Variants in SVBP observed in about 807,000 individuals in gnomAD.
The protein encoded by SVBP is small vasohibin binding protein.
In SVBP, 9 loss-of-function variants were observed where a neutral mutation model predicts 9.2. The observed-to-expected ratio is 0.98, with a 90% CI of 0.59 to 1.71. SVBP has a LOEUF of 1.71. SVBP is among the 40% of genes most tolerant of loss of function. The pLI, the probability that SVBP is intolerant of heterozygous loss-of-function variation, is 0.00. For synonymous variants in SVBP, 27 were observed against 23.9 expected, an observed-to-expected ratio of 1.13 and a Z score of -0.37; for missense variants, 63 against 73.2, an observed-to-expected ratio of 0.86 and a Z score of 0.51.
In SVBP at chr1:42,817,333, G is replaced by C. The variant is rs1037735475; in HGVS notation, c.-180C>G. 61 of 1,035,746 alleles carry C rather than the reference G, an allele frequency of 5.9e-5. No homozygotes were observed. Among genetic ancestry groups the C allele is most frequent in the South Asian group, 4.8e-4 (30 of 62,796 alleles). The allele number at this position is 1,035,746 out of a possible 1,614,324, so 64.2% of individuals were successfully genotyped here. On this transcript the variant is annotated 5_prime_UTR_variant, in exon 1 of 3. Coordinates refer to ENST00000372521, the MANE Select transcript of SVBP (RefSeq NM_199342.4). ...TCGTCCTGGGCGGGGCCGCGCGCCG[G>C]GGGGAGGGGCGCAGGGCCGAGCGCC...
intron 2 of SVBP, among the ~76,000 whole-genome samples, chr1:42,815,912 G>A (rs1654192761): frequency 6.6e-6 from 1 of 152,182 alleles, no homozygotes; most frequent in African/African-American, 2.4e-5. Flanking sequence ...GATTTTCCCT[G>A]ACATTAAATA....
intron 2 of SVBP, among the ~76,000 whole-genome samples, chr1:42,808,698 G>A (rs1434150784): frequency 1.3e-5 from 2 of 150,298 alleles, no homozygotes; most frequent in Non-Finnish European, 3.0e-5. Flanking sequence ...ATATATATAT[G>A]AGCTATATAT....
intron 2 of SVBP, among the ~76,000 whole-genome samples, chr1:42,814,621 A>G (rs1557599744): frequency 6.6e-6 from 1 of 152,088 alleles, no homozygotes; most frequent in South Asian, 2.1e-4. Flanking sequence ...GTCTCAAAAA[A>G]AAAAGAGACT....
rs1044898 is a variant in SVBP, at chr1:42,807,170, A to T, written c.*244T>A. ...TTGTGTGTGTTTTTTTTTTTTTTTTAAAAAAACCCAAAAAACAAAACCACT... is the reference window on the plus strand; with the variant it reads ...TTGTGTGTGTTTTTTTTTTTTTTTTTAAAAAACCCAAAAAACAAAACCACT... On this transcript the variant is annotated 3_prime_UTR_variant, in exon 3 of 3. Coordinates refer to ENST00000372521, the MANE Select transcript of SVBP (RefSeq NM_199342.4). The T allele has an allele frequency of 0.099, 14,182 of 143,622 alleles. 502 individuals are homozygous for T. Among genetic ancestry groups the T allele is most frequent in the South Asian group, 0.15 (452 of 3,090 alleles). The allele number at this position is 143,622 out of a possible 1,614,324, so 8.9% of individuals were successfully genotyped here. A position where few individuals can be genotyped will look rare whatever the true frequency, so the allele number is the denominator to read the frequency against.
chr1:42,813,949 C>T (rs1301340795), intron 2 of SVBP: 2 of 203,342 alleles, frequency 9.8e-6, no homozygotes, highest in African/African-American at 4.7e-5. Context: ...ACTTCAAATG[C>T]ACTAGTAAGT....
chr1:42,816,676 T>C (rs1330906978), intron 1 of SVBP, 96 bp from the exon 2 acceptor site: 1 of 646,580 alleles, frequency 1.5e-6, no homozygotes, highest in African/African-American at 1.8e-5. Flanking sequence ...GCCCCATCCT[T>C]TGCCAGGTGA....
intron 2 of SVBP, among the ~76,000 whole-genome samples, chr1:42,809,474 A>T (rs555607886): frequency 1.7e-4 from 26 of 152,308 alleles, no homozygotes; most frequent in Middle Eastern, 3.4e-3. Flanking sequence ...GATCAACATA[A>T]AAGGGAGTGG....
chr1:42,807,815 C>G (rs1233602145), intron 2 of SVBP, among the ~76,000 whole-genome samples: 1 of 152,008 alleles, frequency 6.6e-6, no homozygotes, highest in African/African-American at 2.4e-5. Flanking sequence ...ACAGGAAGAT[C>G]AGATTTATCC....
chr1:42,809,244 G>C (rs1654029933), intron 2 of SVBP: 2 of 151,992 alleles, frequency 1.3e-5, no homozygotes, highest in Non-Finnish European at 2.9e-5. Context: ...AAAAATGAAA[G>C]ACAGAGTGTG....
At position 42,807,428 on chromosome 1, in the gene SVBP, G is replaced by C; in HGVS notation, c.187C>G (p.Pro63Ala). 6.2e-7 allele frequency: 1 copy of C among 1,613,414 alleles called. No individual in the cohort carries two copies. Among genetic ancestry groups the C allele is most frequent in the African/African-American group, 1.3e-5 (1 of 75,002 alleles). ...QFDEFCKQMQ[P>A]PGE ...AACCTGGGGCCTCATTCTCCAGGAG[G>C]CTGCATCTGTTTACAGAACTCATCA... Residue 63 changes from proline to alanine, a missense_variant, in exon 3 of 3, where the codon CCT (proline) becomes GCT (alanine). Pro to Ala is a conservative substitution (Grantham distance 27, BLOSUM62 -1). Coordinates refer to ENST00000372521, the MANE Select transcript of SVBP (RefSeq NM_199342.4).
chr1:42,815,590 G>A (rs553202631), intron 2 of SVBP, among the ~76,000 whole-genome samples: 1 of 152,034 alleles, frequency 6.6e-6, no homozygotes, highest in Non-Finnish European at 1.5e-5. Context: ...CTGTAAGAAT[G>A]AATAAATATA....
chr1:42,807,176 A>C lies in SVBP; in HGVS notation c.*238T>G, dbSNP rs1570512761. 2 of 305,876 alleles carry C rather than the reference A, an allele frequency of 6.5e-6. No individual in the cohort carries two copies. Among genetic ancestry groups the C allele is most frequent in the Non-Finnish European group, 1.2e-5 (2 of 167,334 alleles). The allele number at this position is 305,876 out of a possible 1,614,324, so 18.9% of individuals were successfully genotyped here. A position where few individuals can be genotyped will look rare whatever the true frequency, so the allele number is the denominator to read the frequency against. ...GTGTTTTTTTTTTTTTTTTAAAAAA[A>C]CCCAAAAAACAAAACCACTGTCTTA... On this transcript the variant is annotated 3_prime_UTR_variant, in exon 3 of 3. Transcript: ENST00000372521.
chr1:42,816,503 T>C lies in SVBP; in HGVS notation c.42A>G (p.Glu14=). 1 of 1,614,188 alleles carries C rather than the reference T, an allele frequency of 6.2e-7. No homozygotes were observed. The highest frequency in any genetic ancestry group is 1.1e-5 in the South Asian group (1 of 91,088). The part of the protein sequence containing the change: ...PARKEKTKVK[E]SVSRVEKAKQ... ...TGGCCTTCTCAACTCTGCTGACAGA[T>C]TCTTTAACTTTGGTTTTTTCTTTAC... Residue 14 remains glutamate, a synonymous_variant, in exon 2 of 3, where the codon GAA becomes GAG. Transcript: ENST00000372521.
In SVBP at chr1:42,816,463, G is replaced by A. The variant is rs1570520175; in HGVS notation, c.82C>T (p.Gln28Ter). 2 of 1,613,930 alleles carry A rather than the reference G, an allele frequency of 1.2e-6. No individual in the cohort carries two copies. Among genetic ancestry groups the A allele is most frequent in the South Asian group, 1.1e-5 (1 of 91,068 alleles). The change falls in exon 2 of 3, where the codon CAG becomes TAG. Residue 28 changes from glutamine to a stop codon, truncating the protein, a stop_gained. Transcript: ENST00000372521. LOFTEE classifies it high-confidence loss of function. The part of the protein sequence containing the change: ...RVEKAKQKSA[Q>*]QELKQRQRAE... ...CTTTGTCTCTGCTTCAGCTCCTGCT[G>A]GGCTGATTTCTGTTTGGCCTTCTCA...
At chr1:42,816,840 C>T in intron 1 of SVBP, 1 of 318,530 alleles carries the variant, frequency 3.1e-6, no homozygotes, top group Non-Finnish European at 5.9e-6. Context: ...TTCCTGGCCT[C>T]CCTCCAGGAG....
chr1:42,817,395 C>T lies in SVBP; in HGVS notation c.-242G>A, dbSNP rs1171299093. On this transcript the variant is annotated 5_prime_UTR_variant, in exon 1 of 3. Coordinates refer to ENST00000372521, the MANE Select transcript of SVBP (RefSeq NM_199342.4). ...GCCCGCAGGAGCGGCCGCGCGTGCG[C>T]AGAGAGGATGGCTGGAAACCCGCGT... 7.2e-6 allele frequency: 3 copies of T among 418,624 alleles called. No homozygotes were observed. The highest frequency in any genetic ancestry group is 1.0e-5 in the Non-Finnish European group (3 of 293,070). 25.9% of individuals were successfully genotyped at this position (418,624 alleles called of 1,614,324 possible).
chr1:42,808,242 A>G (rs1357141653), intron 2 of SVBP, among the ~76,000 whole-genome samples: 2 of 144,374 alleles, frequency 1.4e-5, no homozygotes, highest in Non-Finnish European at 3.0e-5. Context: ...ATGTTATAAT[A>G]TATAAGCTAT....
At chr1:42,812,749 T>C (rs572911078) in intron 2 of SVBP, among the ~76,000 whole-genome samples, 2 of 152,360 alleles carry the variant, frequency 1.3e-5, no homozygotes, top group East Asian at 3.9e-4. Flanking sequence ...TAGTATGCTT[T>C]TGCAAAAGTA....
rs569039519 is a variant in SVBP, at chr1:42,812,903, C to T, written c.114+3528G>A. ...TTAAAAAAACAGGCTTAAACTTTTC[C>T]CTATTCATTCTACTTGTAGCAAAGA... On this transcript the variant is annotated intron_variant, in intron 2 of 2. Transcript: ENST00000372521. 2.2e-4 allele frequency among the ~76,000 whole-genome samples: 33 copies of T among 152,106 alleles called. No homozygotes were observed. The East Asian group carries it at 5.6e-3, about 26-fold the overall frequency.
Sources: gnomAD v4.1 joint callset for allele counts (sites outside exome capture counted in the v4.1 genomes callset) on GRCh38, gnomAD v4.1.1 for gene constraint, MANE v1.5 for transcripts, NCBI Gene and HGNC (gene_info 2026-07-23, HGNC 2026-07-21) for gene names.